Variants in PLCE1 observed in about 807,000 individuals in gnomAD.
PLCE1 encodes 1-phosphatidylinositol 4,5-bisphosphate phosphodiesterase epsilon-1.
Under a neutral mutation model 242.8 loss-of-function variants are expected in PLCE1, and 119 were observed. That is an observed-to-expected ratio of 0.49 (90% CI 0.42 to 0.57). The LOEUF (loss-of-function observed/expected upper bound fraction) is 0.57. Ranked by LOEUF, PLCE1 falls within the 20% of genes least tolerant of loss-of-function variation. PLCE1 has a pLI of 0.00. For synonymous variants in PLCE1, 945 were observed against 1,017.4 expected (o/e 0.93, Z 1.35); for missense variants, 2,441 against 2,788.8 (o/e 0.88, Z 2.81).
intron 22 of PLCE1, among the ~76,000 whole-genome samples, chr10:94,287,653 C>T (rs764952208): frequency 1.1e-4 from 17 of 151,876 alleles, no homozygotes; most frequent in East Asian, 1.9e-4. Context: ...TGAATTTTTT[C>T]GACCTGCTTT....
At chr10:94,126,667 T>G (rs2046445808) in intron 2 of PLCE1, among the ~76,000 whole-genome samples, 1 of 152,278 alleles carries the variant, frequency 6.6e-6, no homozygotes, top group Admixed American at 6.5e-5. Flanking sequence ...GTAGTCTGTC[T>G]AGTTTTCAGA....
chr10:94,256,002 T>C (rs2051081604), intron 11 of PLCE1, among the ~76,000 whole-genome samples: 1 of 145,418 alleles, frequency 6.9e-6, no homozygotes, highest in Non-Finnish European at 1.5e-5. Flanking sequence ...TCTTTCTCCC[T>C]TTCTCTCTCT....
chr10:94,196,166 T>C (rs2048814789), intron 4 of PLCE1, among the ~76,000 whole-genome samples: 1 of 152,194 alleles, frequency 6.6e-6, no homozygotes, highest in Non-Finnish European at 1.5e-5. Flanking sequence ...ATAAGGTGCA[T>C]TGTAAGTAAT....
chr10:94,293,570 A>C lies in PLCE1; in HGVS notation c.5098A>C (p.Ile1700Leu). Residue 1700 changes from isoleucine (I) to leucine (L), a missense_variant, in exon 23 of 33, where the codon ATT (isoleucine) becomes CTT (leucine). By Grantham distance (5) the Ile-to-Leu change is conservative. Transcript: ENST00000371380. Reference protein sequence around the residue: ...RGKERKSRKSIFGNNPGRMSP... With the variant: ...RGKERKSRKSLFGNNPGRMSP... ...AAAAGAAAGGAAAAGCAGGAAGTCC[A>C]TTTTTGGCAACAATCCGGGCAGAAT... is the stretch of plus-strand genomic sequence containing the variant. 6.2e-7 allele frequency: 1 copy of C among 1,614,020 alleles called. No individual in the cohort carries two copies. Among genetic ancestry groups the C allele is most frequent in the Non-Finnish European group, 8.5e-7 (1 of 1,179,914 alleles).
intron 3 of PLCE1, among the ~76,000 whole-genome samples, chr10:94,163,993 G>C (rs1184433995): frequency 6.6e-6 from 1 of 152,132 alleles, no homozygotes; most frequent in Non-Finnish European, 1.5e-5. Context: ...ACTCCCTTCT[G>C]GCTTGTAGAG....
chr10:94,282,597 T>C, intron 20 of PLCE1, among the ~76,000 whole-genome samples: 1 of 152,212 alleles, frequency 6.6e-6, no homozygotes, highest in Middle Eastern at 3.2e-3. Flanking sequence ...TAATAATGTT[T>C]ACATTTCGTT....
At position 94,268,999 on chromosome 10, in the gene PLCE1, A is replaced by C; in HGVS notation, c.4352A>C (p.Tyr1451Ser). ...GGAGACGATGGGATGCCCATCATTT[A>C]TCATGGACATACGCTGACAACCAAG... ...WDGDDGMPII[Y>S]HGHTLTTKIP... The change falls in exon 17 of 33, where the codon TAT becomes TCT. Residue 1451 changes from tyrosine (Y) to serine (S), a missense_variant. Physicochemically the swap from Tyr to Ser is moderately radical, Grantham distance 144. Around this residue, in one of 5 missense-constraint regions of PLCE1, gnomAD observed 1,004 missense variants for 1,322.7 expected, o/e 0.76. Transcript: ENST00000371380. 1 of 1,606,728 alleles carries C rather than the reference A, an allele frequency of 6.2e-7. No individual in the cohort carries two copies.
chr10:94,178,093 G>A (rs538757369), intron 4 of PLCE1, among the ~76,000 whole-genome samples: 24 of 152,120 alleles, frequency 1.6e-4, no homozygotes, highest in Non-Finnish European at 3.2e-4. Flanking sequence ...CCTTGGGATC[G>A]ATCACACAAG....
intron 4 of PLCE1, among the ~76,000 whole-genome samples, chr10:94,210,156 A>T (rs10509669): frequency 0.22 from 33,682 of 150,370 alleles, 4,751 homozygotes; most frequent in East Asian, 0.42. Context: ...TTGGTATAAG[A>T]TGTCACGTTT....
chr10:94,104,850 C>A (rs2045669800), intron 2 of PLCE1: 1 of 152,196 alleles, frequency 6.6e-6, no homozygotes, highest in African/African-American at 2.4e-5. Context: ...TTTAGAACAG[C>A]AGCTGCACAT....
At chr10:94,297,254 T>C (rs1163212048) in intron 23 of PLCE1, among the ~76,000 whole-genome samples, 1 of 151,922 alleles carries the variant, frequency 6.6e-6, no homozygotes, top group Non-Finnish European at 1.5e-5. Flanking sequence ...ATTGGCCTCA[T>C]GTCAGTATCG....
chr10:94,298,191 C>T lies in PLCE1; in HGVS notation c.5168-188C>T, dbSNP rs905290126. Among the ~76,000 whole-genome samples, 5 of 152,058 alleles carry T rather than the reference C, an allele frequency of 3.3e-5. No individual in the cohort carries two copies. The highest frequency in any genetic ancestry group is 9.7e-5 in the African/African-American group (4 of 41,410). On this transcript the variant is annotated intron_variant, in intron 23 of 32. Coordinates refer to ENST00000371380, the MANE Select transcript of PLCE1 (RefSeq NM_016341.4). The surrounding 1 kb of genome is among the most constrained non-coding windows in gnomAD (Gnocchi z 5.2). Reference sequence around the variant, plus strand: ...TGAGCCACCACACCCAGCCACCACACTCATTTTAAAACTAAGTAGCCACCA... The same window carrying T: ...TGAGCCACCACACCCAGCCACCACATTCATTTTAAAACTAAGTAGCCACCA...
chr10:94,061,421 A>C (rs905957099), intron 2 of PLCE1, among the ~76,000 whole-genome samples: 7 of 152,246 alleles, frequency 4.6e-5, no homozygotes, highest in Non-Finnish European at 8.8e-5. Flanking sequence ...TAGGCCCTTA[A>C]GGAAGGTGTC....
chr10:94,260,809 A>G (rs2051270634), intron 13 of PLCE1, among the ~76,000 whole-genome samples: 1 of 152,136 alleles, frequency 6.6e-6, no homozygotes, highest in Admixed American at 6.6e-5. Flanking sequence ...GATCTTAGGC[A>G]TGAGCCTCCA....
intron 22 of PLCE1, among the ~76,000 whole-genome samples, chr10:94,291,579 C>A (rs1320649257): frequency 1.3e-5 from 2 of 152,022 alleles, no homozygotes; most frequent in Admixed American, 6.6e-5. Context: ...GATTCCCTAT[C>A]TGTAAAAGGG....
At chr10:94,299,764 A>G (rs557375975) in intron 24 of PLCE1, among the ~76,000 whole-genome samples, 10 of 152,312 alleles carry the variant, frequency 6.6e-5, no homozygotes, top group African/African-American at 2.2e-4. Context: ...GGATGCCCCA[A>G]AGACATATGA....
intron 27 of PLCE1, among the ~76,000 whole-genome samples, chr10:94,309,848 A>T (rs2053330143): frequency 1.3e-5 from 2 of 151,986 alleles, no homozygotes; most frequent in Admixed American, 1.3e-4. Flanking sequence ...CAGCTTGGGC[A>T]AGACCCCATC....
At position 94,306,556 on chromosome 10, in the gene PLCE1, C is replaced by T; in HGVS notation, c.5752C>T (p.Pro1918Ser). Residue 1918 changes from proline (P) to serine (S), a missense_variant, in exon 26 of 33, where the codon CCC (proline) becomes TCC (serine). Coordinates refer to ENST00000371380, the MANE Select transcript of PLCE1 (RefSeq NM_016341.4). This position sits in a 1 kb window ranked among gnomAD's most constrained non-coding sequence, Gnocchi z 5.7. ...TKPIHRNTLN[P>S]MWNEQFLFHV... Reference sequence around the variant, plus strand: ...GCCCATCCATCGAAACACCCTGAACCCCATGTGGAACGAGCAGTTTCTGTT... The same window carrying T: ...GCCCATCCATCGAAACACCCTGAACTCCATGTGGAACGAGCAGTTTCTGTT... 1 of 1,614,154 alleles carries T rather than the reference C, an allele frequency of 6.2e-7. No homozygotes were observed. Among genetic ancestry groups the T allele is most frequent in the Non-Finnish European group, 8.5e-7 (1 of 1,179,998 alleles).
intron 2 of PLCE1, among the ~76,000 whole-genome samples, chr10:94,055,201 T>A (rs1367228895): frequency 1.3e-5 from 2 of 151,748 alleles, no homozygotes; most frequent in Non-Finnish European, 2.9e-5. Flanking sequence ...ACAGAGTTGT[T>A]CTAAGGATTA....
Sources: allele counts gnomAD v4.1 joint callset (sites outside exome capture counted in the v4.1 genomes callset), GRCh38; gene constraint gnomAD v4.1.1; regional missense constraint gnomAD v4.1.1; non-coding constraint Gnocchi (gnomAD v3.1); transcripts MANE v1.5; gene names NCBI Gene and HGNC (gene_info 2026-07-23, HGNC 2026-07-21).